The following PIERCE1 variants were observed in gnomAD, a reference collection of about 807,000 sequenced individuals.
The protein encoded by PIERCE1 is piercer of microtubule wall 1.
At chr9:135,495,289 A>C in the PIERCE1 span, 2 of 794,770 alleles carry the variant, frequency 2.5e-6, no homozygotes, top group Non-Finnish European at 4.1e-6. Context: ...ATATTTTCCT[A>C]CTCCGCAGAC....
chr9:135,497,414 TTTTG>T, the PIERCE1 span, among the ~76,000 whole-genome samples: 3 of 151,702 alleles, frequency 2.0e-5, no homozygotes, highest in South Asian at 4.2e-4. Flanking sequence ...TTTTTTTGGT[TTTTG>T]TTTGTTTGCT....
At chr9:135,496,169 T>C in the PIERCE1 span, among the ~76,000 whole-genome samples, 1 of 151,924 alleles carries the variant, frequency 6.6e-6, no homozygotes, top group Non-Finnish European at 1.5e-5. Context: ...ACAAAAATAT[T>C]AGCCAGGTGT....
At chr9:135,495,687 G>A in the PIERCE1 span, 1 of 1,347,814 alleles carries the variant, frequency 7.4e-7, no homozygotes, top group Non-Finnish European at 1.0e-6. Context: ...ATTTTTGAAA[G>A]AAAAATAAGA....
the PIERCE1 span, among the ~76,000 whole-genome samples, chr9:135,499,224 T>C: frequency 6.6e-6 from 1 of 152,264 alleles, no homozygotes; most frequent in Non-Finnish European, 1.5e-5. Flanking sequence ...ATGAGGATAC[T>C]AACAGACCCT....
chr9:135,499,849 C>A, the PIERCE1 span: 2 of 1,575,718 alleles, frequency 1.3e-6, no homozygotes. Flanking sequence ...ATTCCTCAGC[C>A]ATTGTGCCTG....
the PIERCE1 span, chr9:135,498,497 G>T: frequency 1.8e-6 from 2 of 1,102,774 alleles, no homozygotes; most frequent in Non-Finnish European, 2.7e-6. The surrounding 1 kb of genome is among the most constrained non-coding windows in gnomAD (Gnocchi z 4.1). Context: ...CCGTCTCATT[G>T]TTGACCTGTT....
chr9:135,499,811 G>A, the PIERCE1 span: 5 of 1,603,022 alleles, frequency 3.1e-6, no homozygotes, highest in Non-Finnish European at 4.3e-6. Context: ...GGCCTTGGGC[G>A]CCACAGGCTC....
the PIERCE1 span, among the ~76,000 whole-genome samples, chr9:135,498,021 G>T: frequency 6.6e-6 from 1 of 152,126 alleles, no homozygotes; most frequent in Admixed American, 6.5e-5. This position sits in a 1 kb window ranked among gnomAD's most constrained non-coding sequence, Gnocchi z 4.1. Context: ...CCTTCATGGG[G>T]TTTGGTGTGG....
the PIERCE1 span, chr9:135,498,888 C>T: frequency 1.8e-6 from 1 of 550,112 alleles, no homozygotes; most frequent in Non-Finnish European, 3.3e-6. This position sits in a 1 kb window ranked among gnomAD's most constrained non-coding sequence, Gnocchi z 4.1. Context: ...TGTCCCTGCT[C>T]TTCCAAGGCA....
chr9:135,495,337 G>A, the PIERCE1 span: 299 of 1,218,150 alleles, frequency 2.5e-4, 1 homozygote, highest in African/African-American at 3.6e-3. Context: ...AGTCTGTGCC[G>A]TCACAATCGG....
chr9:135,497,520 A>T, the PIERCE1 span, among the ~76,000 whole-genome samples: 1 of 151,958 alleles, frequency 6.6e-6, no homozygotes, highest in African/African-American at 2.4e-5. Context: ...CCTGGGCTCA[A>T]GCAATCCTCC....
chr9:135,499,410 G>A, the PIERCE1 span: 2 of 645,806 alleles, frequency 3.1e-6, no homozygotes, highest in Middle Eastern at 4.9e-4. Context: ...GCCCCGCAGC[G>A]GAGTTTCAGG....
the PIERCE1 span, chr9:135,495,380 C>T: frequency 2.6e-6 from 4 of 1,523,608 alleles, no homozygotes; most frequent in Admixed American, 8.0e-5. Context: ...GATGATTTTC[C>T]AGGAGGCCCT....
chr9:135,495,468 G>A, the PIERCE1 span: 1 of 1,614,080 alleles, frequency 6.2e-7, no homozygotes, highest in Non-Finnish European at 8.5e-7. Flanking sequence ...TAACTGGGGT[G>A]GAAGTTGAGC....
the PIERCE1 span, chr9:135,498,908 C>T: frequency 5.9e-6 from 3 of 505,166 alleles, no homozygotes; most frequent in Non-Finnish European, 1.1e-5. This position sits in a 1 kb window ranked among gnomAD's most constrained non-coding sequence, Gnocchi z 4.1. Flanking sequence ...AGGCCAAAGC[C>T]CTAAAGAGCA....
chr9:135,497,048 C>T, the PIERCE1 span, among the ~76,000 whole-genome samples: 3 of 152,228 alleles, frequency 2.0e-5, no homozygotes, highest in African/African-American at 7.2e-5. Context: ...CCACCCGCCT[C>T]GGCCTCCCAA....
chr9:135,499,216 G>A, the PIERCE1 span, among the ~76,000 whole-genome samples: 1 of 152,262 alleles, frequency 6.6e-6, no homozygotes, highest in Non-Finnish European at 1.5e-5. Context: ...ATGCGAGAAT[G>A]AGGATACTAA....
the PIERCE1 span, chr9:135,498,670 G>T: frequency 6.2e-7 from 1 of 1,612,234 alleles, no homozygotes; most frequent in South Asian, 1.1e-5. This position sits in a 1 kb window ranked among gnomAD's most constrained non-coding sequence, Gnocchi z 4.1. Flanking sequence ...GGTCCTGGTA[G>T]ATGAGAAACA....
At chr9:135,499,367 A>G in the PIERCE1 span, 1 of 558,474 alleles carries the variant, frequency 1.8e-6, no homozygotes, top group Middle Eastern at 2.8e-4. Flanking sequence ...GGCTGAGTCT[A>G]CAGCAAGACA....
Sources: gnomAD v4.1 joint callset for allele counts (sites outside exome capture counted in the v4.1 genomes callset) on GRCh38, gnomAD v4.1.1 for gene constraint, Gnocchi (gnomAD v3.1) non-coding constraint, MANE v1.5 for transcripts, NCBI Gene and HGNC (gene_info 2026-07-23, HGNC 2026-07-21) for gene names.